The following ROBO1 variants were observed in gnomAD, a reference collection of about 807,000 sequenced individuals.
ROBO1 encodes roundabout homolog 1.
ROBO1 carries 149 observed loss-of-function variants against 195.9 expected under a neutral mutation model. The observed-to-expected ratio is 0.76, with a 90% confidence interval of 0.67 to 0.87. ROBO1 has a LOEUF of 0.87. Ranked by LOEUF, ROBO1 falls within the 40% of genes least tolerant of loss-of-function variation. ROBO1 has a pLI of 0.00. For synonymous variants in ROBO1, 816 were observed against 733.2 expected (o/e 1.11, Z -1.82); for missense variants, 1,933 against 2,068.3 (o/e 0.93, Z 1.27).
At chr3:79,423,953 C>G (rs546324257) in intron 2 of ROBO1, among the ~76,000 whole-genome samples, 67 of 152,020 alleles carry the variant, frequency 4.4e-4, no homozygotes, top group African/African-American at 1.6e-3. Flanking sequence ...GACTGCCCCT[C>G]TTTATTGCTG....
chr3:79,554,421 A>G (rs1437922756), intron 2 of ROBO1, among the ~76,000 whole-genome samples: 1 of 152,128 alleles, frequency 6.6e-6, no homozygotes, highest in African/African-American at 2.4e-5. Flanking sequence ...TGTTTGCAAC[A>G]GATTGCAAAG....
intron 2 of ROBO1, among the ~76,000 whole-genome samples, chr3:79,226,807 G>A (rs111609506): frequency 0.031 from 4,670 of 151,930 alleles, 212 homozygotes; most frequent in African/African-American, 0.1. Context: ...TTGGCCTCCC[G>A]AAGTGCTGGG....
intron 3 of ROBO1, among the ~76,000 whole-genome samples, chr3:78,981,322 A>G (rs1441304955): frequency 6.6e-6 from 1 of 152,176 alleles, no homozygotes; most frequent in African/African-American, 2.4e-5. Context: ...TCAAAAGCCC[A>G]TTACCATCAC....
chr3:78,784,777 T>C (rs1434028843), intron 4 of ROBO1, among the ~76,000 whole-genome samples: 1 of 152,162 alleles, frequency 6.6e-6, no homozygotes, highest in Non-Finnish European at 1.5e-5. Context: ...CATTCTTTAA[T>C]AGAGTAATAT....
At chr3:78,768,684 G>T (rs1215121116) in intron 4 of ROBO1, among the ~76,000 whole-genome samples, 1 of 151,408 alleles carries the variant, frequency 6.6e-6, no homozygotes, top group Admixed American at 6.6e-5. Flanking sequence ...AAGTTTTAGG[G>T]TACATGTGCA....
intron 4 of ROBO1, among the ~76,000 whole-genome samples, chr3:78,840,061 A>T (rs570453345): frequency 6.6e-6 from 1 of 152,332 alleles, no homozygotes; most frequent in South Asian, 2.1e-4. Context: ...TTATTTCCAA[A>T]ATAAATGGAC....
At chr3:79,703,869 C>G (rs1947691366) in intron 1 of ROBO1, among the ~76,000 whole-genome samples, 1 of 151,798 alleles carries the variant, frequency 6.6e-6, no homozygotes, top group Admixed American at 6.6e-5. Context: ...ATTTTTGTGA[C>G]TATCACTGTT....
At chr3:78,618,661 G>A (rs1031895676) in intron 26 of ROBO1, among the ~76,000 whole-genome samples, 3 of 151,934 alleles carry the variant, frequency 2.0e-5, no homozygotes, top group Non-Finnish European at 4.4e-5. Context: ...TATTCGCTAT[G>A]AGTTTCATTA....
At chr3:79,717,208 C>CT (rs11401218) in intron 1 of ROBO1, among the ~76,000 whole-genome samples, 42,383 of 150,432 alleles carry the variant, frequency 0.28, 6,729 homozygotes, top group African/African-American at 0.45. Flanking sequence ...CTCAATAAAG[C>CT]TTTTGTTTTT....
At chr3:79,267,528 T>C (rs1483962171) in intron 2 of ROBO1, among the ~76,000 whole-genome samples, 1 of 151,274 alleles carries the variant, frequency 6.6e-6, no homozygotes, top group Non-Finnish European at 1.5e-5. Context: ...GGTGGGAATC[T>C]TGTGTTTTAA....
intron 4 of ROBO1, among the ~76,000 whole-genome samples, chr3:78,754,348 A>G (rs1282170568): frequency 6.6e-6 from 1 of 152,216 alleles, no homozygotes; most frequent in Non-Finnish European, 1.5e-5. Flanking sequence ...CAGGGTTAAA[A>G]AAACACAGAC....
chr3:78,854,314 T>C (rs2034268710), intron 4 of ROBO1, among the ~76,000 whole-genome samples: 1 of 148,034 alleles, frequency 6.8e-6, no homozygotes, highest in African/African-American at 2.5e-5. Context: ...AAATATAATT[T>C]TTATTAGTAT....
intron 2 of ROBO1, among the ~76,000 whole-genome samples, chr3:79,324,895 C>A (rs1396377915): frequency 6.6e-6 from 1 of 152,076 alleles, no homozygotes; most frequent in Non-Finnish European, 1.5e-5. Context: ...CTCAGGGAGA[C>A]AAGAATACAA....
intron 3 of ROBO1, among the ~76,000 whole-genome samples, chr3:79,115,379 C>T (rs995030345): frequency 6.6e-6 from 1 of 152,064 alleles, no homozygotes; most frequent in African/African-American, 2.4e-5. Flanking sequence ...TGAATGATTT[C>T]AAAATATAAA....
Position 78,670,043 on chromosome 3 carries a change from G to A in ROBO1, c.1548+53C>T, listed in dbSNP as rs976409827. The A allele has an allele frequency of 8.4e-6, 12 of 1,423,396 alleles. No homozygotes were observed. In the African/African-American group the frequency reaches 8.5e-5, roughly 10 times the overall value. 88.2% of individuals were successfully genotyped at this position (1,423,396 alleles called of 1,614,324 possible). ...AGAAATTTCAATGCCAGTTGTTGGA[G>A]GCAGAAACAAAGTGAAACAAAACAA... On this transcript the variant is annotated intron_variant, in intron 11 of 30. Transcript: ENST00000464233.
At position 79,460,675 on chromosome 3, in the gene ROBO1, A is replaced by C. The variant is rs530385395; in HGVS notation, c.88+129149T>G. On this transcript the variant is annotated intron_variant, in intron 2 of 30. Transcript: ENST00000464233. ...AATGGGAACAATCCGTTAATACCAAATATACAACAATATAATAGCAATTTC... is the reference window on the plus strand; with the variant it reads ...AATGGGAACAATCCGTTAATACCAACTATACAACAATATAATAGCAATTTC... Among the ~76,000 whole-genome samples the C allele has an allele frequency of 4.2e-4, 64 of 152,344 alleles. 1 individual carries two copies. The highest frequency in any genetic ancestry group is 1.5e-3 in the African/African-American group (63 of 41,588).
intron 2 of ROBO1, among the ~76,000 whole-genome samples, chr3:79,299,806 GA>G (rs1171250748): frequency 6.8e-6 from 1 of 147,936 alleles, no homozygotes; most frequent in Non-Finnish European, 1.5e-5. Context: ...ACCAAGGAAT[GA>G]AAATGAAAAG....
chr3:78,738,681 G>A lies in ROBO1; in HGVS notation c.657+8062C>T, dbSNP rs139819856. 2.8e-3 allele frequency among the ~76,000 whole-genome samples: 428 copies of A among 152,090 alleles called. 2 individuals are homozygous for A. Among genetic ancestry groups the A allele is most frequent in the African/African-American group, 1.0e-2 (413 of 41,498 alleles). On this transcript the variant is annotated intron_variant, in intron 5 of 30. Coordinates refer to ENST00000464233, the MANE Select transcript of ROBO1 (RefSeq NM_002941.4). Reference sequence around the variant, plus strand: ...AATAGAATTCTCATTTCTAACACCAGGACCATCCTGGGCAAACCAGAATGG... The same window carrying A: ...AATAGAATTCTCATTTCTAACACCAAGACCATCCTGGGCAAACCAGAATGG...
rs1214693886 is a variant in ROBO1, at chr3:79,706,485, G to T, written c.-51+61267C>A. Among the ~76,000 whole-genome samples the T allele has an allele frequency of 2.0e-5, 3 of 152,070 alleles. No homozygotes were observed. In the East Asian group the frequency reaches 5.8e-4, roughly 29 times the overall value. ...AATGTTGAACTATTCTTACACATCT[G>T]AGATAAATCCTATTTTGTAATAGAT... On this transcript the variant is annotated intron_variant, in intron 1 of 30. Coordinates refer to ENST00000464233, the MANE Select transcript of ROBO1 (RefSeq NM_002941.4).
Sources: gnomAD v4.1 joint callset for allele counts (sites outside exome capture counted in the v4.1 genomes callset) on GRCh38, gnomAD v4.1.1 for gene constraint, MANE v1.5 for transcripts, NCBI Gene and HGNC (gene_info 2026-07-23, HGNC 2026-07-21) for gene names.